The following MAPK8IP3 variants were observed in gnomAD, a reference collection of about 807,000 sequenced individuals.
MAPK8IP3 encodes C-Jun-amino-terminal kinase-interacting protein 3.
A neutral mutation model predicts 157.8 loss-of-function variants in MAPK8IP3; 49 were observed. The observed-to-expected ratio is 0.31, with a 90% confidence interval of 0.25 to 0.39. The LOEUF (loss-of-function observed/expected upper bound fraction) is 0.39. Ranked by LOEUF, MAPK8IP3 falls within the 10% of genes least tolerant of loss-of-function variation. The pLI is 1.00. For missense variants in MAPK8IP3, 1,478 were observed against 1,889.4 expected, an observed-to-expected ratio of 0.78 and a Z score of 4.04; for synonymous variants, 897 against 777.7, an observed-to-expected ratio of 1.15 and a Z score of -2.55.
rs753288350 is a variant in MAPK8IP3 at position 1,768,170 on chromosome 16, C to T, written c.3563-29C>T. ...CTCCCACTCTCCACCTGTATGCGGG[C>T]TCAGCGCCTCTGGGTTCTCTCCCTG... On this transcript the variant is annotated intron_variant, in intron 29 of 31. Coordinates refer to ENST00000610761, the MANE Select transcript of MAPK8IP3 (RefSeq NM_001318852.2). The T allele has an allele frequency of 1.1e-5, 17 of 1,611,842 alleles. No homozygotes were observed. In the South Asian group the frequency reaches 1.5e-4, roughly 15 times the overall value.
intron 17 of MAPK8IP3, 38 bp downstream of exon 17, chr16:1,763,821 CAGAG>C: frequency 9.5e-7 from 1 of 1,050,666 alleles, no homozygotes; most frequent in Non-Finnish European, 1.2e-6. Flanking sequence ...CGGGGCCCCG[CAGAG>C]GCGGGGCGGG....
chr16:1,735,597 G>A (rs528325078), intron 4 of MAPK8IP3, among the ~76,000 whole-genome samples: 1 of 138,054 alleles, frequency 7.2e-6, no homozygotes, highest in African/African-American at 3.1e-5. Context: ...ATCCGTGTGA[G>A]CATCCGTGTG....
In MAPK8IP3 at chr16:1,724,589, A is replaced by G. The variant is rs1298742447; in HGVS notation, c.351A>G (p.Gln117=). The change falls in exon 2 of 32, where the codon CAA becomes CAG. Residue 117 remains glutamine (Q), a synonymous_variant. Transcript: ENST00000610761. The surrounding 1 kb of genome is among the most constrained non-coding windows in gnomAD (Gnocchi z 4.1). The part of the protein sequence containing the change: ...KFIEFEDALE[Q]EKKELQIQVE... ...TTGAGTTTGAAGATGCTCTGGAACA[A>G]GAGAAGAAAGAGCTGCAAATCCAGG... The G allele has an allele frequency of 6.2e-7, 1 of 1,613,638 alleles. No homozygotes were observed. The highest frequency in any genetic ancestry group is 8.5e-7 in the Non-Finnish European group (1 of 1,179,990).
Position 1,729,201 on chromosome 16 carries a change from A to T in MAPK8IP3, c.503A>T (p.His168Leu). Residue 168 changes from histidine (H) to leucine (L), a missense_variant, in exon 3 of 32, where the codon CAC (histidine) becomes CTC (leucine). This residue lies in a region of MAPK8IP3 where 315 missense variants were observed against 394.4 expected (regional missense o/e 0.80). Coordinates refer to ENST00000610761, the MANE Select transcript of MAPK8IP3 (RefSeq NM_001318852.2). ...GAGTACAATGCCCTGCACCAGCGGC[A>T]CACAGAGGTGGGCGCCCAGAGGCAA... is the stretch of plus-strand genomic sequence containing the variant. ...KKEYNALHQR[H>L]TEMIQTYVEH... 1 of 1,613,912 alleles carries T rather than the reference A, an allele frequency of 6.2e-7. No individual in the cohort carries two copies. The highest frequency in any genetic ancestry group is 8.5e-7 in the Non-Finnish European group (1 of 1,180,008).
At chr16:1,734,439 GC>G (rs1388194209) in intron 4 of MAPK8IP3, among the ~76,000 whole-genome samples, 1 of 152,208 alleles carries the variant, frequency 6.6e-6, no homozygotes, top group African/African-American at 2.4e-5. Flanking sequence ...GCCTCCCCAG[GC>G]CGAGACCCTG....
chr16:1,733,756 T>C (rs1346413744), intron 4 of MAPK8IP3, among the ~76,000 whole-genome samples: 2 of 152,214 alleles, frequency 1.3e-5, no homozygotes, highest in East Asian at 1.9e-4. Context: ...CTGAAGGCTA[T>C]GTCAGGGCTG....
chr16:1,762,489 T>G lies in MAPK8IP3; in HGVS notation c.1670+8T>G. ...GTGGACTGAGATGATCAGGTGGGAGTTGCGGCCACCCCAGGAGGGGCTGCG... is the reference window on the plus strand; with the variant it reads ...GTGGACTGAGATGATCAGGTGGGAGGTGCGGCCACCCCAGGAGGGGCTGCG... On this transcript the variant is annotated splice_region_variant and intron_variant, in intron 14 of 31. Coordinates refer to ENST00000610761, the MANE Select transcript of MAPK8IP3 (RefSeq NM_001318852.2). 1 of 1,610,202 alleles carries G rather than the reference T, an allele frequency of 6.2e-7. No homozygotes were observed. The highest frequency in any genetic ancestry group is 1.7e-4 in the Middle Eastern group (1 of 5,996).
chr16:1,767,745 C>T lies in MAPK8IP3; in HGVS notation c.3409+10C>T. ...GTCAGCAAGATGCTAGGTGAGGGGC[C>T]ACGCCAGATGGGGTGGTGGGGTGCT... is the stretch of plus-strand genomic sequence containing the variant. On this transcript the variant is annotated intron_variant, in intron 27 of 31. Coordinates refer to ENST00000610761, the MANE Select transcript of MAPK8IP3 (RefSeq NM_001318852.2). 1 of 1,612,430 alleles carries T rather than the reference C, an allele frequency of 6.2e-7. No homozygotes were observed. The highest frequency in any genetic ancestry group is 8.5e-7 in the Non-Finnish European group (1 of 1,179,810).
chr16:1,710,622 C>T lies in MAPK8IP3; in HGVS notation c.318+3965C>T, dbSNP rs894433226. 7.9e-5 allele frequency among the ~76,000 whole-genome samples: 12 copies of T among 152,252 alleles called. No individual in the cohort carries two copies. The highest frequency in any genetic ancestry group is 2.9e-4 in the African/African-American group (12 of 41,554). Reference sequence around the variant, plus strand: ...TTTTTCCTTCTTTTTTTCTCCTCTGCGCCAGACGATCTGCAGGAAGTCTTT... The same window carrying T: ...TTTTTCCTTCTTTTTTTCTCCTCTGTGCCAGACGATCTGCAGGAAGTCTTT... On this transcript the variant is annotated intron_variant, in intron 1 of 31. Coordinates refer to ENST00000610761, the MANE Select transcript of MAPK8IP3 (RefSeq NM_001318852.2). This position sits in a 1 kb window ranked among gnomAD's most constrained non-coding sequence, Gnocchi z 4.1.
rs534024415 is a variant in MAPK8IP3 at position 1,742,334 on chromosome 16, A to G, written c.603-998A>G. Reference sequence around the variant, plus strand: ...AGGGACTGAGCCCACAGCAGGGGGCACTGAGCACTGTCCTGACAGCTCCAG... The same window carrying G: ...AGGGACTGAGCCCACAGCAGGGGGCGCTGAGCACTGTCCTGACAGCTCCAG... On this transcript the variant is annotated intron_variant, in intron 4 of 31. Transcript: ENST00000610761. This position sits in a 1 kb window ranked among gnomAD's most constrained non-coding sequence, Gnocchi z 5.0. Among the ~76,000 whole-genome samples the G allele has an allele frequency of 5.9e-5, 9 of 152,244 alleles. No individual in the cohort carries two copies. In the South Asian group the frequency reaches 1.9e-3, roughly 32 times the overall value.
At chr16:1,727,121 C>G (rs8054978) in intron 2 of MAPK8IP3, among the ~76,000 whole-genome samples, 19,603 of 148,924 alleles carry the variant, frequency 0.13, 1,959 homozygotes, top group African/African-American at 0.29. Flanking sequence ...GTGTGAGTGT[C>G]ATGTGCTGTG....
rs139741063 is a variant in MAPK8IP3 at position 1,756,925 on chromosome 16, G to A, written c.1217-1223G>A. The stretch of plus-strand genomic sequence containing the variant: ...CCAGAGAGATGGATAATGGGGTCCC[G>A]TTTTTGTTCTTTGAAACCTGTTGCT... On this transcript the variant is annotated intron_variant, in intron 8 of 31. Transcript: ENST00000610761. 4.7e-3 allele frequency among the ~76,000 whole-genome samples: 716 copies of A among 152,212 alleles called. 7 individuals carry two copies. The highest frequency in any genetic ancestry group is 0.017 in the African/African-American group (686 of 41,526).
intron 1 of MAPK8IP3, among the ~76,000 whole-genome samples, chr16:1,717,235 CAAAAAAAAAAA>C (rs1169533483): frequency 1.5e-4 from 9 of 60,452 alleles, no homozygotes; most frequent in Admixed American, 1.2e-3. Flanking sequence ...AACTCCATCT[CAAAAAAAAAAA>C]AAAAAAAAGA....
At chr16:1,728,819 T>C (rs1364485623) in intron 2 of MAPK8IP3, among the ~76,000 whole-genome samples, 39 of 106,120 alleles carry the variant, frequency 3.7e-4, no homozygotes, top group Admixed American at 1.1e-3. Context: ...CCCAGACGGC[T>C]TTAACAGAGC....
At position 1,729,197 on chromosome 16, in the gene MAPK8IP3, C is replaced by T; in HGVS notation, c.499C>T (p.Arg167Trp). ...GAAGGAGTACAATGCCCTGCACCAG[C>T]GGCACACAGAGGTGGGCGCCCAGAG... ...MKKEYNALHQ[R>W]HTEMIQTYVE... Residue 167 changes from arginine to tryptophan, a missense_variant, in exon 3 of 32, where the codon CGG becomes TGG. This residue lies in a region of MAPK8IP3 where 315 missense variants were observed against 394.4 expected (regional missense o/e 0.80). Transcript: ENST00000610761. 4 of 1,613,908 alleles carry T rather than the reference C, an allele frequency of 2.5e-6. No homozygotes were observed. Among genetic ancestry groups the T allele is most frequent in the Non-Finnish European group, 3.4e-6 (4 of 1,179,996 alleles).
At chr16:1,725,331 T>TAA (rs148914770) in intron 2 of MAPK8IP3, among the ~76,000 whole-genome samples, 3 of 137,330 alleles carry the variant, frequency 2.2e-5, no homozygotes, top group Admixed American at 7.3e-5. Context: ...CCTCATCTCT[T>TAA]AAAAAAAAAA....
intron 8 of MAPK8IP3, among the ~76,000 whole-genome samples, chr16:1,754,512 G>A (rs980182042): frequency 6.6e-6 from 1 of 152,156 alleles, no homozygotes; most frequent in Non-Finnish European, 1.5e-5. Context: ...AGTGGTTCAT[G>A]CCTGTCATCC....
intron 1 of MAPK8IP3, among the ~76,000 whole-genome samples, chr16:1,723,989 T>C (rs1463357433): frequency 1.3e-5 from 2 of 152,186 alleles, no homozygotes; most frequent in African/African-American, 4.8e-5. Context: ...GTTATCCCAG[T>C]AACGATGGTG....
At chr16:1,745,142 G>A in intron 5 of MAPK8IP3, 1 of 985,478 alleles carries the variant, frequency 1.0e-6, no homozygotes, top group Non-Finnish European at 1.2e-6. Flanking sequence ...TGGGTAAGTG[G>A]TGGCCCTGTA....
Sources: gnomAD v4.1 joint callset for allele counts (sites outside exome capture counted in the v4.1 genomes callset) on GRCh38, gnomAD v4.1.1 for gene constraint, gnomAD v4.1.1 regional missense constraint, Gnocchi (gnomAD v3.1) non-coding constraint, MANE v1.5 for transcripts, NCBI Gene and HGNC (gene_info 2026-07-23, HGNC 2026-07-21) for gene names.